Variants in TTLL11 observed in about 807,000 individuals in gnomAD.
TTLL11 encodes tubulin tyrosine ligase like 11.
A neutral mutation model predicts 51.7 loss-of-function variants in TTLL11; 42 were observed. The ratio of observed to expected loss-of-function variants is 0.81; its 90% CI spans 0.64 to 1.05. TTLL11 has a LOEUF of 1.05. Ranked by LOEUF, TTLL11 falls within the 50% of genes least tolerant of loss-of-function variation. The pLI is 0.00. For synonymous variants in TTLL11, 381 were observed against 383.5 expected (o/e 0.99, Z 0.08); for missense variants, 799 against 940.4 (o/e 0.85, Z 1.97).
intron 1 of TTLL11, among the ~76,000 whole-genome samples, chr9:122,072,261 G>A (rs1045864641): frequency 2.0e-5 from 3 of 152,098 alleles, no homozygotes; most frequent in African/African-American, 7.2e-5. Flanking sequence ...TCTGCTTGCA[G>A]CTCAGTTCTG....
chr9:121,860,568 C>T, intron 7 of TTLL11, 125 bp from the exon 8 acceptor site: 1 of 756,334 alleles, frequency 1.3e-6, no homozygotes, highest in Admixed American at 2.2e-5. Flanking sequence ...TCCTATCCCT[C>T]CAATGTGATG....
intron 6 of TTLL11, among the ~76,000 whole-genome samples, chr9:121,921,923 G>A (rs1355194073): frequency 6.6e-6 from 1 of 152,196 alleles, no homozygotes; most frequent in Non-Finnish European, 1.5e-5. Context: ...CCTTCTCTGA[G>A]CCCACGGAGG....
chr9:121,846,350 CCT>C (rs1160461270), intron 8 of TTLL11, among the ~76,000 whole-genome samples: 1 of 152,068 alleles, frequency 6.6e-6, no homozygotes, highest in East Asian at 1.9e-4. Flanking sequence ...CTTCAACACC[CCT>C]CTATCAGTAA....
At position 121,989,153 on chromosome 9, in the gene TTLL11, G is replaced by A. The variant is rs115973640; in HGVS notation, c.1269+42C>T. 2.9e-5 allele frequency: 47 copies of A among 1,603,042 alleles called. No individual in the cohort carries two copies. Among genetic ancestry groups the A allele is most frequent in the Non-Finnish European group, 3.3e-5 (39 of 1,173,728 alleles). ...GAAGCCAGAGAGCCCTCTTGAGGCCGGTCAAGGCTGGAAACGCAGGCTGGG... is the reference window on the plus strand; with the variant it reads ...GAAGCCAGAGAGCCCTCTTGAGGCCAGTCAAGGCTGGAAACGCAGGCTGGG... On this transcript the variant is annotated intron_variant, in intron 4 of 8. Coordinates refer to ENST00000321582, the MANE Select transcript of TTLL11 (RefSeq NM_001139442.2). This position sits in a 1 kb window ranked among gnomAD's most constrained non-coding sequence, Gnocchi z 4.2.
chr9:121,831,511 C>T (rs1311160262), intron 8 of TTLL11, among the ~76,000 whole-genome samples: 1 of 152,090 alleles, frequency 6.6e-6, no homozygotes, highest in African/African-American at 2.4e-5. Context: ...CCAGCCTGGC[C>T]AACATAGTGA....
chr9:121,967,317 C>T (rs1011242950), intron 6 of TTLL11, among the ~76,000 whole-genome samples: 19 of 140,526 alleles, frequency 1.4e-4, no homozygotes, highest in East Asian at 2.3e-4. Flanking sequence ...CTCCGCCTCC[C>T]GGGTTCAAGC....
intron 6 of TTLL11, 26 bp from the exon 7 acceptor site, chr9:121,870,774 A>G (rs1588083454): frequency 2.0e-6 from 3 of 1,504,964 alleles, no homozygotes; most frequent in Non-Finnish European, 2.7e-6. Flanking sequence ...AATTAATGAT[A>G]TAACACTTTC....
intron 6 of TTLL11, among the ~76,000 whole-genome samples, chr9:121,928,953 C>T (rs2131546959): frequency 6.6e-6 from 1 of 152,304 alleles, no homozygotes; most frequent in African/African-American, 2.4e-5. Context: ...ACACACACAA[C>T]ATACATTTGC....
intron 6 of TTLL11, among the ~76,000 whole-genome samples, chr9:121,948,160 A>G (rs950109762): frequency 1.3e-5 from 2 of 151,968 alleles, no homozygotes; most frequent in African/African-American, 4.8e-5. Context: ...AATCATCCCT[A>G]TTTTACAGAG....
At chr9:121,919,880 C>G (rs1356484399) in intron 6 of TTLL11, among the ~76,000 whole-genome samples, 1 of 149,420 alleles carries the variant, frequency 6.7e-6, no homozygotes, top group Non-Finnish European at 1.5e-5. Flanking sequence ...AGGAAATATC[C>G]TAATATTAAC....
chr9:121,883,413 T>C (rs1422675787), intron 6 of TTLL11, among the ~76,000 whole-genome samples: 5 of 152,152 alleles, frequency 3.3e-5, no homozygotes. Flanking sequence ...ATTTATTGAG[T>C]ACTAACTCTG....
At chr9:121,953,456 A>AC (rs1270466298) in intron 6 of TTLL11, among the ~76,000 whole-genome samples, 1 of 151,870 alleles carries the variant, frequency 6.6e-6, no homozygotes, top group African/African-American at 2.4e-5. Context: ...ACATGGTGAA[A>AC]CCCCATCTCT....
chr9:121,994,214 G>C (rs182960951), intron 3 of TTLL11, among the ~76,000 whole-genome samples: 113 of 152,292 alleles, frequency 7.4e-4, no homozygotes, highest in Middle Eastern at 3.4e-3. Context: ...CTGGGCAGAT[G>C]ATGTGCTGCT....
chr9:121,879,508 A>T (rs1422735869), intron 6 of TTLL11, among the ~76,000 whole-genome samples: 1 of 152,186 alleles, frequency 6.6e-6, no homozygotes, highest in Non-Finnish European at 1.5e-5. Context: ...AAAAAGTCAG[A>T]TTTTGAGTTA....
In TTLL11 at chr9:122,024,861, G is replaced by A. The variant is rs552039951; in HGVS notation, c.693+6862C>T. Among the ~76,000 whole-genome samples the A allele has an allele frequency of 4.2e-4, 64 of 152,064 alleles. No individual in the cohort carries two copies. In the South Asian group the frequency reaches 8.1e-3, roughly 19 times the overall value. On this transcript the variant is annotated intron_variant, in intron 3 of 8. Coordinates refer to ENST00000321582, the MANE Select transcript of TTLL11 (RefSeq NM_001139442.2). Reference sequence around the variant, plus strand: ...CATAGCAGAATATCTTTGTGAGCTTGGGTTAGATATAAATTCCTATATATG... The same window carrying A: ...CATAGCAGAATATCTTTGTGAGCTTAGGTTAGATATAAATTCCTATATATG...
intron 1 of TTLL11, among the ~76,000 whole-genome samples, chr9:122,085,175 G>A (rs1335384172): frequency 6.6e-6 from 1 of 152,062 alleles, no homozygotes; most frequent in Non-Finnish European, 1.5e-5. Context: ...CAGGAGAATC[G>A]CTTGAACCCA....
At chr9:121,940,006 G>A (rs1407643806) in intron 6 of TTLL11, among the ~76,000 whole-genome samples, 2 of 152,144 alleles carry the variant, frequency 1.3e-5, no homozygotes, top group Non-Finnish European at 2.9e-5. Context: ...GGTGACTGCC[G>A]AGAAAGGACA....
At chr9:122,078,255 G>T (rs190513146) in intron 1 of TTLL11, among the ~76,000 whole-genome samples, 94 of 152,268 alleles carry the variant, frequency 6.2e-4, no homozygotes, top group African/African-American at 2.1e-3. Flanking sequence ...GATCAATAAA[G>T]TCAAAAGTTG....
chr9:121,943,853 C>T (rs541432017), intron 6 of TTLL11, among the ~76,000 whole-genome samples: 1 of 152,122 alleles, frequency 6.6e-6, no homozygotes, highest in Non-Finnish European at 1.5e-5. Context: ...CAGGTCTATC[C>T]CCCTGTGCAC....
Sources: gnomAD v4.1 joint callset for allele counts (sites outside exome capture counted in the v4.1 genomes callset) on GRCh38, gnomAD v4.1.1 for gene constraint, Gnocchi (gnomAD v3.1) non-coding constraint, MANE v1.5 for transcripts, NCBI Gene and HGNC (gene_info 2026-07-23, HGNC 2026-07-21) for gene names.